DLG2: variants seen among roughly 807,000 people sequenced by gnomAD.
DLG2 encodes disks large homolog 2.
DLG2 carries 45 observed loss-of-function variants against 132.5 expected under a neutral mutation model. The observed-to-expected ratio is 0.34, with a 90% CI of 0.27 to 0.44. The LOEUF (loss-of-function observed/expected upper bound fraction) is 0.44. DLG2 is among the 20% of genes least tolerant of loss of function. DLG2 has a pLI of 1.00. For missense variants in DLG2, 1,045 were observed against 1,196.9 expected (o/e 0.87, Z 1.87); for synonymous variants, 424 against 419.6 (o/e 1.01, Z -0.13).
chr11:83,916,592 A>G (rs2076963803), intron 15 of DLG2, among the ~76,000 whole-genome samples: 1 of 152,204 alleles, frequency 6.6e-6, no homozygotes, highest in South Asian at 2.1e-4. Context: ...CTGGTATTAC[A>G]GGCCTGAGCC....
intron 8 of DLG2, among the ~76,000 whole-genome samples, chr11:84,230,328 A>T (rs1422899629): frequency 6.6e-6 from 1 of 152,066 alleles, no homozygotes; most frequent in East Asian, 1.9e-4. Flanking sequence ...GTTGTTTATT[A>T]TCTCTATCCC....
At chr11:83,584,766 G>A (rs541154948) in intron 19 of DLG2, among the ~76,000 whole-genome samples, 2 of 152,310 alleles carry the variant, frequency 1.3e-5, no homozygotes, top group Non-Finnish European at 2.9e-5. Context: ...GAATGGAGAA[G>A]GGGACAAGGT....
intron 3 of DLG2, among the ~76,000 whole-genome samples, chr11:85,379,695 C>T (rs551018450): frequency 6.6e-6 from 1 of 152,260 alleles, no homozygotes; most frequent in East Asian, 1.9e-4. Context: ...CAGGCTCTCC[C>T]ACAACACAAA....
chr11:84,573,187 A>G (rs774793464), intron 6 of DLG2, among the ~76,000 whole-genome samples: 8 of 152,148 alleles, frequency 5.3e-5, no homozygotes, highest in Non-Finnish European at 1.0e-4. Flanking sequence ...GTGGTAAGTG[A>G]TTTACAAATG....
chr11:84,212,946 C>T (rs1309285479), intron 8 of DLG2, among the ~76,000 whole-genome samples: 4 of 151,990 alleles, frequency 2.6e-5, no homozygotes, highest in African/African-American at 7.3e-5. Context: ...GCGTGAGCCG[C>T]GGCGCCCGGC....
At chr11:85,212,254 C>T (rs1460617750) in intron 4 of DLG2, among the ~76,000 whole-genome samples, 2 of 152,040 alleles carry the variant, frequency 1.3e-5, no homozygotes, top group African/African-American at 2.4e-5. Context: ...GTTGACACCC[C>T]GAATCGAGAT....
chr11:83,806,912 T>C (rs2046047443), intron 17 of DLG2, among the ~76,000 whole-genome samples: 2 of 152,178 alleles, frequency 1.3e-5, no homozygotes, highest in African/African-American at 4.8e-5. Flanking sequence ...AGCAGGACCC[T>C]AGAAGGTGGC....
At chr11:84,867,999 G>A (rs949596056) in intron 6 of DLG2, among the ~76,000 whole-genome samples, 3 of 151,724 alleles carry the variant, frequency 2.0e-5, no homozygotes, top group Non-Finnish European at 4.4e-5. Flanking sequence ...GCGTGAACCC[G>A]GGCGGCGGAG....
intron 11 of DLG2, among the ~76,000 whole-genome samples, chr11:84,013,052 C>T (rs2094972296): frequency 6.6e-6 from 1 of 152,042 alleles, no homozygotes; most frequent in Non-Finnish European, 1.5e-5. Context: ...AGAACAACTA[C>T]CTTTAGAAGG....
intron 3 of DLG2, among the ~76,000 whole-genome samples, chr11:85,315,555 A>G (rs1010845638): frequency 2.0e-5 from 3 of 151,982 alleles, no homozygotes; most frequent in Non-Finnish European, 4.4e-5. Context: ...CTGTGCATGC[A>G]TCACACTGAT....
chr11:85,034,481 T>C (rs970335772), intron 6 of DLG2, among the ~76,000 whole-genome samples: 4 of 152,030 alleles, frequency 2.6e-5, no homozygotes, highest in African/African-American at 9.7e-5. Flanking sequence ...CAAATAAAAA[T>C]AGAGTCAATG....
At chr11:84,941,713 T>C (rs2049456569) in intron 6 of DLG2, among the ~76,000 whole-genome samples, 1 of 151,450 alleles carries the variant, frequency 6.6e-6, no homozygotes, top group South Asian at 2.1e-4. Flanking sequence ...TTTTTTTTGA[T>C]GTGTCTTTTT....
intron 4 of DLG2, among the ~76,000 whole-genome samples, chr11:85,187,345 G>A (rs182774853): frequency 6.6e-6 from 1 of 152,128 alleles, no homozygotes; most frequent in East Asian, 1.9e-4. Flanking sequence ...GGGGAGAAAA[G>A]AACAAATAAA....
intron 8 of DLG2, among the ~76,000 whole-genome samples, chr11:84,222,989 C>T (rs1425515713): frequency 3.3e-5 from 5 of 152,178 alleles, no homozygotes; most frequent in Admixed American, 2.6e-4. Flanking sequence ...ACTTATAGCT[C>T]GTCCTTTGGT....
intron 10 of DLG2, among the ~76,000 whole-genome samples, chr11:84,060,249 T>C (rs891186259): frequency 2.0e-5 from 3 of 152,046 alleles, no homozygotes; most frequent in African/African-American, 7.2e-5. Context: ...AGGGTGGAGG[T>C]TGCAGTGAGC....
At chr11:83,852,657 G>A (rs2059965485) in intron 16 of DLG2, among the ~76,000 whole-genome samples, 2 of 152,126 alleles carry the variant, frequency 1.3e-5, no homozygotes, top group Non-Finnish European at 2.9e-5. Flanking sequence ...ACATTCAACT[G>A]TTCTCTTCTC....
intron 7 of DLG2, among the ~76,000 whole-genome samples, chr11:84,450,936 C>T (rs1303386027): frequency 3.3e-5 from 5 of 151,336 alleles, no homozygotes; most frequent in Non-Finnish European, 5.9e-5. Flanking sequence ...ACATAGGGAA[C>T]AGAATGTGTA....
intron 6 of DLG2, among the ~76,000 whole-genome samples, chr11:84,688,776 C>T (rs142773108): frequency 2.9e-4 from 44 of 152,314 alleles, no homozygotes; most frequent in African/African-American, 1.0e-3. Context: ...CCAATCTCCA[C>T]TGTCTGTGTC....
chr11:84,992,927 A>G (rs2057284865), intron 6 of DLG2, among the ~76,000 whole-genome samples: 1 of 152,194 alleles, frequency 6.6e-6, no homozygotes, highest in Non-Finnish European at 1.5e-5. Flanking sequence ...ATTACTAGGT[A>G]TATACCTAAA....
Sources: gnomAD v4.1 joint callset for allele counts (sites outside exome capture counted in the v4.1 genomes callset) on GRCh38, gnomAD v4.1.1 for gene constraint, MANE v1.5 for transcripts, NCBI Gene and HGNC (gene_info 2026-07-23, HGNC 2026-07-21) for gene names.